CHN2: variants seen among roughly 807,000 people sequenced by gnomAD.
The protein encoded by CHN2 is beta-chimaerin.
In CHN2, 35 loss-of-function variants were observed where a neutral mutation model predicts 56.3. That is an observed-to-expected ratio of 0.62 (90% confidence interval 0.47 to 0.82). The LOEUF (loss-of-function observed/expected upper bound fraction) is 0.82. Among genes scored for constraint, CHN2 ranks in the 40% least tolerant of loss-of-function variants. The probability of loss-of-function intolerance (pLI) is 0.00; values close to 1 mark genes in which losing one functional copy is unlikely to be tolerated. For missense variants in CHN2, 491 were observed against 580.5 expected, an observed-to-expected ratio of 0.85 and a Z score of 1.58; for synonymous variants, 210 against 212.8, an observed-to-expected ratio of 0.99 and a Z score of 0.12.
At position 29,302,089 on chromosome 7, in the gene CHN2, C is replaced by T. The variant is rs149904138; in HGVS notation, c.50-52536C>T. Among the ~76,000 whole-genome samples the T allele has an allele frequency of 2.3e-4, 35 of 152,342 alleles. No individual in the cohort carries two copies. In the East Asian group the frequency reaches 6.0e-3, roughly 26 times the overall value. ...GGAGAATTCCAAGGATAAGGACCCT[C>T]AGCCTTTTGCATTGACCCGTGGCTG... is the stretch of plus-strand genomic sequence containing the variant. On this transcript the variant is annotated intron_variant, in intron 1 of 12. Coordinates refer to ENST00000222792, the MANE Select transcript of CHN2 (RefSeq NM_004067.4).
intron 1 of CHN2, among the ~76,000 whole-genome samples, chr7:29,215,855 C>G (rs1785297370): frequency 1.3e-5 from 2 of 152,196 alleles, no homozygotes; most frequent in South Asian, 2.1e-4. Context: ...AAATTATGCA[C>G]TCTTCTTCCT....
At chr7:29,155,252 C>T (rs1389239874) in intron 2 of CHN2, among the ~76,000 whole-genome samples, 11 of 151,926 alleles carry the variant, frequency 7.2e-5, no homozygotes, top group Admixed American at 7.2e-4. Context: ...TGGGTTGCAC[C>T]ATTTCAGGGA....
At chr7:29,181,028 A>C (rs1382285999) in intron 2 of CHN2, among the ~76,000 whole-genome samples, 3 of 152,272 alleles carry the variant, frequency 2.0e-5, no homozygotes, top group Non-Finnish European at 4.4e-5. Flanking sequence ...ACTAGTAGAC[A>C]TAAGCAAAAA....
chr7:29,364,394 A>G (rs1174201082), intron 2 of CHN2, among the ~76,000 whole-genome samples: 2 of 152,222 alleles, frequency 1.3e-5, no homozygotes, highest in Admixed American at 6.5e-5. Flanking sequence ...TCCATTAACA[A>G]TGGTATTCAC....
chr7:29,235,558 A>G (rs974899205), intron 1 of CHN2, among the ~76,000 whole-genome samples: 6 of 152,224 alleles, frequency 3.9e-5, no homozygotes, highest in African/African-American at 1.2e-4. Flanking sequence ...CAAAATATAA[A>G]TCATTCTACC....
chr7:29,512,596 A>C lies in CHN2; in HGVS notation c.1268A>C (p.Asn423Thr). Residue 423 changes from asparagine to threonine, a missense_variant, in exon 13 of 13, where the codon AAT becomes ACT. Physicochemically the swap from Asn to Thr is moderately conservative, Grantham distance 65 (BLOSUM62 0). Coordinates refer to ENST00000222792, the MANE Select transcript of CHN2 (RefSeq NM_004067.4). Reference sequence around the variant, plus strand: ...ATGAATGAAAAAGACAATTTCATGAATGCAGAAAATCTGGGGATCGTGTTT... The same window carrying C: ...ATGAATGAAAAAGACAATTTCATGACTGCAGAAAATCTGGGGATCGTGTTT... ...VTMNEKDNFM[N>T]AENLGIVFGP... The C allele has an allele frequency of 6.2e-7, 1 of 1,613,270 alleles. No individual in the cohort carries two copies. Among genetic ancestry groups the C allele is most frequent in the South Asian group, 1.1e-5 (1 of 90,784 alleles).
Position 29,379,663 on chromosome 7 carries a change from T to C in CHN2, c.144+11676T>C, listed in dbSNP as rs117256559. ...GTATGAAAATTTTCATTATAAAACG[T>C]CAAGAAGAAAAAATGAAGACTGTGT... is the stretch of plus-strand genomic sequence containing the variant. On this transcript the variant is annotated intron_variant, in intron 3 of 12. Transcript: ENST00000222792. Among the ~76,000 whole-genome samples the C allele has an allele frequency of 6.5e-3, 988 of 152,246 alleles. 5 individuals are homozygous for C. Among genetic ancestry groups the C allele is most frequent in the Non-Finnish European group, 0.011 (781 of 68,026 alleles).
At chr7:29,509,844 CAAAA>C (rs34925686) in intron 12 of CHN2, among the ~76,000 whole-genome samples, 17 of 134,182 alleles carry the variant, frequency 1.3e-4, no homozygotes, top group Admixed American at 1.5e-4. Context: ...GACTCCATCT[CAAAA>C]AAAAAAAAAA....
At chr7:29,236,933 C>T (rs936135864) in intron 1 of CHN2, among the ~76,000 whole-genome samples, 2 of 152,178 alleles carry the variant, frequency 1.3e-5, no homozygotes, top group Non-Finnish European at 2.9e-5. Context: ...TCAAGATAAT[C>T]ATCCAACTCA....
intron 6 of CHN2, among the ~76,000 whole-genome samples, chr7:29,434,533 C>A (rs1783084566): frequency 6.6e-6 from 1 of 152,150 alleles, no homozygotes; most frequent in Non-Finnish European, 1.5e-5. Context: ...TCATTCCAAT[C>A]TCTGCCTCCA....
At chr7:29,183,522 G>A (rs938392142) in intron 2 of CHN2, among the ~76,000 whole-genome samples, 4 of 151,368 alleles carry the variant, frequency 2.6e-5, no homozygotes, top group African/African-American at 9.7e-5. Context: ...GTTTACAAGT[G>A]TGTGCCACCA....
chr7:29,214,627 T>C (rs1785205932), intron 1 of CHN2, among the ~76,000 whole-genome samples: 2 of 152,192 alleles, frequency 1.3e-5, no homozygotes, highest in Admixed American at 1.3e-4. Context: ...TGATAGGGGC[T>C]ACGTTACTGA....
intron 9 of CHN2, among the ~76,000 whole-genome samples, chr7:29,502,329 C>T (rs997535722): frequency 6.6e-5 from 10 of 152,106 alleles, no homozygotes; most frequent in Non-Finnish European, 1.0e-4. Flanking sequence ...TGCTATCCTG[C>T]GTGCACAATC....
At chr7:29,487,680 C>T (rs1461053657) in intron 7 of CHN2, among the ~76,000 whole-genome samples, 2 of 151,756 alleles carry the variant, frequency 1.3e-5, no homozygotes, top group Non-Finnish European at 2.9e-5. Flanking sequence ...CTCCTTCTAA[C>T]TCCCTCCCTC....
intron 1 of CHN2, among the ~76,000 whole-genome samples, chr7:29,210,867 G>A (rs1454900932): frequency 6.6e-6 from 1 of 152,120 alleles, no homozygotes; most frequent in Non-Finnish European, 1.5e-5. Context: ...CAATGCGAGA[G>A]TGTACCTGGT....
intron 1 of CHN2, among the ~76,000 whole-genome samples, chr7:29,252,578 GTTTTTTTTTTT>G (rs545289689): frequency 0.033 from 647 of 19,498 alleles, 128 homozygotes; most frequent in African/African-American, 0.18. Flanking sequence ...TGCATTCTTT[GTTTTTTTTTTT>G]TTTTTTTTTT....
intron 3 of CHN2, among the ~76,000 whole-genome samples, chr7:29,374,145 CTT>C (rs1285214576): frequency 1.3e-5 from 2 of 152,214 alleles, no homozygotes; most frequent in East Asian, 3.9e-4. Flanking sequence ...CTGCTTGTCT[CTT>C]TTTTTCCCCC....
At position 29,474,807 on chromosome 7, in the gene CHN2, G is replaced by A. The variant is rs573420384; in HGVS notation, c.577-5472G>A. ...TTTACTTGAAGTTTGTGGAAAGGTT[G>A]TGGATTGGTGGCAAATCACCTTCTC... is the stretch of plus-strand genomic sequence containing the variant. On this transcript the variant is annotated intron_variant, in intron 6 of 12. Coordinates refer to ENST00000222792, the MANE Select transcript of CHN2 (RefSeq NM_004067.4). Among the ~76,000 whole-genome samples, 83 of 152,320 alleles carry A rather than the reference G, an allele frequency of 5.4e-4. 1 individual carries two copies. The highest frequency in any genetic ancestry group is 2.0e-3 in the African/African-American group (82 of 41,570).
chr7:29,434,787 C>T (rs1346564357), intron 6 of CHN2, among the ~76,000 whole-genome samples: 1 of 152,134 alleles, frequency 6.6e-6, no homozygotes, highest in Admixed American at 6.6e-5. Context: ...TTGTCATGTA[C>T]AGTATTTGGA....
Sources: allele counts gnomAD v4.1 joint callset (sites outside exome capture counted in the v4.1 genomes callset), GRCh38; gene constraint gnomAD v4.1.1; transcripts MANE v1.5; gene names NCBI Gene and HGNC (gene_info 2026-07-23, HGNC 2026-07-21).